MARCHF1: variants seen among roughly 807,000 people sequenced by gnomAD.
MARCHF1 encodes E3 ubiquitin-protein ligase MARCHF1.
In MARCHF1, 40 loss-of-function variants were observed where a neutral mutation model predicts 54.2. The observed-to-expected ratio is 0.74, with a 90% CI of 0.57 to 0.96. The LOEUF is 0.96. MARCHF1 is among the 40% of genes least tolerant of loss of function. The pLI, the probability that MARCHF1 is intolerant of heterozygous loss-of-function variation, is 0.00. For missense variants in MARCHF1, 586 were observed against 656.5 expected, an observed-to-expected ratio of 0.89 and a Z score of 1.17; for synonymous variants, 236 against 236.3, an observed-to-expected ratio of 1.00 and a Z score of 0.01.
At chr4:163,681,550 G>C (rs1031419147) in intron 5 of MARCHF1, among the ~76,000 whole-genome samples, 2 of 152,112 alleles carry the variant, frequency 1.3e-5, no homozygotes, top group African/African-American at 4.8e-5. Flanking sequence ...ATGGGGGGTG[G>C]TTACCCCCAT....
At chr4:163,632,762 G>A (rs1269060570) in intron 5 of MARCHF1, among the ~76,000 whole-genome samples, 1 of 152,266 alleles carries the variant, frequency 6.6e-6, no homozygotes, top group Non-Finnish European at 1.5e-5. Flanking sequence ...AAGGAGGCCT[G>A]CCTGCCTCTG....
chr4:164,291,088 C>T (rs897078319), intron 1 of MARCHF1, among the ~76,000 whole-genome samples: 5 of 151,780 alleles, frequency 3.3e-5, no homozygotes, highest in Non-Finnish European at 7.4e-5. Context: ...CCAGAGACTA[C>T]GATTAAAGGT....
intron 5 of MARCHF1, among the ~76,000 whole-genome samples, chr4:163,698,357 AT>A (rs1744698809): frequency 6.6e-6 from 1 of 152,304 alleles, no homozygotes; most frequent in South Asian, 2.1e-4. Flanking sequence ...CCACTTATCA[AT>A]TTAAGAAAAA....
At chr4:164,313,348 CAAAAAAA>C (rs553280791) in intron 1 of MARCHF1, among the ~76,000 whole-genome samples, 1 of 80,240 alleles carries the variant, frequency 1.2e-5, no homozygotes, top group Non-Finnish European at 2.6e-5. Flanking sequence ...GACTCTGTCT[CAAAAAAA>C]AAAAAAAAAA....
chr4:164,021,097 T>A, intron 2 of MARCHF1, among the ~76,000 whole-genome samples: 1 of 130,506 alleles, frequency 7.7e-6, no homozygotes, highest in East Asian at 2.1e-4. Context: ...TTTTTTTTTT[T>A]CCCTGTAGTG....
At chr4:163,665,168 C>T (rs1743487409) in intron 5 of MARCHF1, among the ~76,000 whole-genome samples, 1 of 152,038 alleles carries the variant, frequency 6.6e-6, no homozygotes, top group Non-Finnish European at 1.5e-5. Context: ...CAAATTGATT[C>T]TGTCTCTGAA....
intron 4 of MARCHF1, among the ~76,000 whole-genome samples, chr4:163,826,955 A>G (rs1437575252): frequency 6.6e-6 from 1 of 152,086 alleles, no homozygotes; most frequent in Non-Finnish European, 1.5e-5. Context: ...TTCCACAAAG[A>G]AAAAAGCTGG....
chr4:164,145,406 T>C (rs1161881002), intron 1 of MARCHF1, among the ~76,000 whole-genome samples: 1 of 152,006 alleles, frequency 6.6e-6, no homozygotes, highest in South Asian at 2.1e-4. Context: ...TGATGAACAT[T>C]GATGCAAAAA....
intron 3 of MARCHF1, among the ~76,000 whole-genome samples, chr4:163,977,554 T>C (rs775592691): frequency 4.6e-5 from 7 of 152,160 alleles, no homozygotes; most frequent in Non-Finnish European, 1.0e-4. Flanking sequence ...AGTCATTTTG[T>C]GGATGTTACA....
intron 1 of MARCHF1, among the ~76,000 whole-genome samples, chr4:164,149,442 A>C (rs1423530462): frequency 1.3e-5 from 2 of 152,206 alleles, no homozygotes; most frequent in Non-Finnish European, 2.9e-5. Context: ...AGAGTGGAGT[A>C]AGAAGACGTT....
At chr4:163,548,131 C>A (rs2203107) in intron 8 of MARCHF1, among the ~76,000 whole-genome samples, 63,200 of 151,884 alleles carry the variant, frequency 0.42, 13,966 homozygotes, top group Admixed American at 0.55. Flanking sequence ...GGTTTATTGT[C>A]GTATTAATCT....
intron 1 of MARCHF1, among the ~76,000 whole-genome samples, chr4:164,287,239 A>G (rs1420461010): frequency 6.6e-6 from 1 of 151,676 alleles, no homozygotes. Flanking sequence ...TGTCATTAAT[A>G]GTCAAATTAG....
At chr4:163,619,348 G>C (rs1373624101) in intron 5 of MARCHF1, among the ~76,000 whole-genome samples, 1 of 152,108 alleles carries the variant, frequency 6.6e-6, no homozygotes, top group Non-Finnish European at 1.5e-5. Flanking sequence ...GGAGAAAAGG[G>C]ATAGTTTGAG....
intron 3 of MARCHF1, among the ~76,000 whole-genome samples, chr4:163,943,859 T>C (rs1485304737): frequency 2.0e-5 from 3 of 152,222 alleles, no homozygotes; most frequent in Admixed American, 6.5e-5. Flanking sequence ...ATTCACAGAA[T>C]GTTAAGTGTT....
At chr4:164,244,005 A>T (rs540630504) in intron 1 of MARCHF1, among the ~76,000 whole-genome samples, 10 of 152,238 alleles carry the variant, frequency 6.6e-5, no homozygotes, top group Non-Finnish European at 2.9e-5. Flanking sequence ...CACATTAATA[A>T]TGGGAGACTT....
At position 163,693,553 on chromosome 4, in the gene MARCHF1, G is replaced by C. The variant is rs148670664; in HGVS notation, c.162+7260C>G. 1.8e-3 allele frequency among the ~76,000 whole-genome samples: 269 copies of C among 151,482 alleles called. 6 individuals carry two copies. The highest frequency in any genetic ancestry group is 6.4e-3 in the African/African-American group (263 of 41,172). ...GTACCATGATAAATAAAAATGCAAT[G>C]TGGGCTCTCTGTCAAATCTGAATGG... On this transcript the variant is annotated intron_variant, in intron 5 of 9. Transcript: ENST00000514618.
chr4:164,292,334 T>G (rs1560990123), intron 1 of MARCHF1, among the ~76,000 whole-genome samples: 1 of 151,406 alleles, frequency 6.6e-6, no homozygotes, highest in Non-Finnish European at 1.5e-5. Flanking sequence ...TGGTTATGCG[T>G]TTTTTTTCAT....
chr4:163,630,229 A>G (rs1742024687), intron 5 of MARCHF1, among the ~76,000 whole-genome samples: 1 of 152,178 alleles, frequency 6.6e-6, no homozygotes, highest in African/African-American at 2.4e-5. Context: ...AATGTGGTAT[A>G]TTCACACAAT....
chr4:163,748,811 A>G (rs1007525702), intron 4 of MARCHF1, among the ~76,000 whole-genome samples: 1 of 152,188 alleles, frequency 6.6e-6, no homozygotes, highest in African/African-American at 2.4e-5. Context: ...CCCCCCGCCC[A>G]TTGACACATA....
Sources: allele counts gnomAD v4.1 joint callset (sites outside exome capture counted in the v4.1 genomes callset), GRCh38; gene constraint gnomAD v4.1.1; transcripts MANE v1.5; gene names NCBI Gene and HGNC (gene_info 2026-07-23, HGNC 2026-07-21).